ZDHHC3: variants seen among roughly 807,000 people sequenced by gnomAD.
ZDHHC3 encodes zDHHC palmitoyltransferase 3.
A neutral mutation model predicts 30.6 loss-of-function variants in ZDHHC3; 9 were observed. The ratio of observed to expected loss-of-function variants is 0.29; its 90% confidence interval spans 0.18 to 0.51. The LOEUF (loss-of-function observed/expected upper bound fraction) is 0.51, where lower values mean the gene tolerates loss of function less well. Among genes scored for constraint, ZDHHC3 ranks in the 20% least tolerant of loss-of-function variants. The pLI is 0.97. For synonymous variants in ZDHHC3, 136 were observed against 140.2 expected (o/e 0.97, Z 0.21); for missense variants, 246 against 384.2 (o/e 0.64, Z 3.01).
chr3:44,937,556 T>G (rs1433553986), intron 3 of ZDHHC3: 2 of 145,214 alleles, frequency 1.4e-5, no homozygotes, highest in Non-Finnish European at 3.0e-5. Context: ...TAAGTTTTTT[T>G]TTTTTTTTTT....
intron 2 of ZDHHC3, among the ~76,000 whole-genome samples, chr3:44,946,145 G>T (rs1702913958): frequency 6.6e-6 from 1 of 152,200 alleles, no homozygotes; most frequent in South Asian, 2.1e-4. Flanking sequence ...CAGTGGTATT[G>T]TTATGAATAA....
At chr3:44,958,195 G>A (rs1019971490) in intron 2 of ZDHHC3, among the ~76,000 whole-genome samples, 1 of 152,136 alleles carries the variant, frequency 6.6e-6, no homozygotes, top group Admixed American at 6.5e-5. Context: ...TAATTGAGTT[G>A]GGAAAGCTGC....
intron 1 of ZDHHC3, among the ~76,000 whole-genome samples, chr3:44,970,722 A>T (rs1189527389): frequency 6.6e-6 from 1 of 152,240 alleles, no homozygotes; most frequent in African/African-American, 2.4e-5. Context: ...TCAATCAAGT[A>T]CAGCATAAAA....
At position 44,938,267 on chromosome 3, in the gene ZDHHC3, C is replaced by T. The variant is rs539875129; in HGVS notation, c.432-4283G>A. Reference sequence around the variant, plus strand: ...CCAAAGTGCTGGGTGGGCTCACAGGCGTGAGCCACTGTGCCCAGCCGGAAA... The same window carrying T: ...CCAAAGTGCTGGGTGGGCTCACAGGTGTGAGCCACTGTGCCCAGCCGGAAA... On this transcript the variant is annotated intron_variant, in intron 3 of 6. Transcript: ENST00000424952. The T allele has an allele frequency of 2.8e-5, 5 of 178,990 alleles. No homozygotes were observed. The South Asian group carries it at 4.7e-4, about 17-fold the overall frequency. 11.1% of individuals were successfully genotyped at this position (178,990 alleles called of 1,614,324 possible). A position where few individuals can be genotyped will look rare whatever the true frequency, so the allele number is the denominator to read the frequency against.
chr3:44,975,756 TCTC>T (rs1705891543), intron 1 of ZDHHC3, among the ~76,000 whole-genome samples, 174 bp downstream of exon 1: 1 of 138,810 alleles, frequency 7.2e-6, no homozygotes, highest in African/African-American at 3.1e-5. Context: ...GGTCTCTCTC[TCTC>T]TCTCTCTCTC....
In ZDHHC3 at chr3:44,922,675, T is replaced by G. The variant is rs1234155465; in HGVS notation, c.*4014A>C. Reference sequence around the variant, plus strand: ...ACTCCTGCTAGCCCCAACTGGATTCTCAAACTTGATAGTCAGAATCACCTG... The same window carrying G: ...ACTCCTGCTAGCCCCAACTGGATTCGCAAACTTGATAGTCAGAATCACCTG... On this transcript the variant is annotated 3_prime_UTR_variant, in exon 7 of 7. Coordinates refer to ENST00000424952, the MANE Select transcript of ZDHHC3 (RefSeq NM_001135179.2). The G allele has an allele frequency of 1.0e-6, 1 of 985,398 alleles. No individual in the cohort carries two copies. The highest frequency in any genetic ancestry group is 1.1e-4 in the East Asian group (1 of 8,814). The allele number at this position is 985,398 out of a possible 1,614,324, so 61.0% of individuals were successfully genotyped here.
At position 44,924,231 on chromosome 3, in the gene ZDHHC3, G is replaced by A; in HGVS notation, c.*2458C>T. The A allele has an allele frequency of 1.0e-6, 1 of 985,454 alleles. No homozygotes were observed. Among genetic ancestry groups the A allele is most frequent in the Non-Finnish European group, 1.2e-6 (1 of 829,932 alleles). The allele number at this position is 985,454 out of a possible 1,614,324, so 61.0% of individuals were successfully genotyped here. A position where few individuals can be genotyped will look rare whatever the true frequency, so the allele number is the denominator to read the frequency against. On this transcript the variant is annotated 3_prime_UTR_variant, in exon 7 of 7. Transcript: ENST00000424952. ...ATTACATCCGGAAATACTGAGGAGA[G>A]CTCAGGGATGCTTTCCCTTCCTGTC...
At chr3:44,927,006 A>AG (rs1701048364) in intron 6 of ZDHHC3, among the ~76,000 whole-genome samples, 159 bp from the exon 7 acceptor site, 1 of 152,214 alleles carries the variant, frequency 6.6e-6, no homozygotes, top group Non-Finnish European at 1.5e-5. Context: ...TGTTACTAAA[A>AG]AAATTTCTCC....
intron 2 of ZDHHC3, among the ~76,000 whole-genome samples, chr3:44,948,972 T>C (rs1005882572): frequency 7.9e-5 from 12 of 152,206 alleles, no homozygotes; most frequent in Non-Finnish European, 1.3e-4. Flanking sequence ...AATGAGAAAG[T>C]CTGAAGGAAC....
intron 1 of ZDHHC3, among the ~76,000 whole-genome samples, chr3:44,970,892 T>C (rs1705351314): frequency 6.6e-6 from 1 of 152,238 alleles, no homozygotes; most frequent in East Asian, 1.9e-4. Context: ...CAGGATCCAT[T>C]CTGAGTTTAA....
In ZDHHC3 at chr3:44,920,559, T is replaced by C; in HGVS notation, c.*6130A>G. Reference sequence around the variant, plus strand: ...AAGAAACAGAAGTTCCAAGAGGCCATGACGGTGGCCAAGGCTCATCTAGCT... The same window carrying C: ...AAGAAACAGAAGTTCCAAGAGGCCACGACGGTGGCCAAGGCTCATCTAGCT... On this transcript the variant is annotated 3_prime_UTR_variant, in exon 7 of 7. Coordinates refer to ENST00000424952, the MANE Select transcript of ZDHHC3 (RefSeq NM_001135179.2). The C allele has an allele frequency of 1.0e-6, 1 of 985,204 alleles. No homozygotes were observed. Among genetic ancestry groups the C allele is most frequent in the African/African-American group, 1.7e-5 (1 of 57,350 alleles). 61.0% of individuals were successfully genotyped at this position (985,204 alleles called of 1,614,324 possible).
At chr3:44,970,638 G>A (rs1196764780) in intron 1 of ZDHHC3, among the ~76,000 whole-genome samples, 1 of 152,060 alleles carries the variant, frequency 6.6e-6, no homozygotes, top group Non-Finnish European at 1.5e-5. Context: ...CTCTTTTCCC[G>A]ATTTGCTAAT....
Position 44,926,437 on chromosome 3 carries a change from G to A in ZDHHC3, c.*252C>T. ...GACAGACAGCAGAGAGAAACCAGAG[G>A]CCAGAGAAGTGATTTTAAAAGGAAA... On this transcript the variant is annotated 3_prime_UTR_variant, in exon 7 of 7. Transcript: ENST00000424952. 4.1e-6 allele frequency: 5 copies of A among 1,222,868 alleles called. No homozygotes were observed. Among genetic ancestry groups the A allele is most frequent in the Non-Finnish European group, 5.1e-6 (5 of 981,336 alleles). The allele number at this position is 1,222,868 out of a possible 1,614,324, so 75.8% of individuals were successfully genotyped here.
intron 6 of ZDHHC3, among the ~76,000 whole-genome samples, chr3:44,927,568 G>T (rs1701106557): frequency 6.6e-6 from 1 of 152,236 alleles, no homozygotes; most frequent in Non-Finnish European, 1.5e-5. Context: ...AGCATGGCAT[G>T]GCAAAGGTCC....
rs539666601 is a variant in ZDHHC3 at position 44,924,958 on chromosome 3, T to C, written c.*1731A>G. Reference sequence around the variant, plus strand: ...GAGCCCATCAGCACAAAGGAATTGATTCAGGCTGCAGAAAGCAAAGGAAAG... The same window carrying C: ...GAGCCCATCAGCACAAAGGAATTGACTCAGGCTGCAGAAAGCAAAGGAAAG... On this transcript the variant is annotated 3_prime_UTR_variant, in exon 7 of 7. Coordinates refer to ENST00000424952, the MANE Select transcript of ZDHHC3 (RefSeq NM_001135179.2). 3 of 985,574 alleles carry C rather than the reference T, an allele frequency of 3.0e-6. No individual in the cohort carries two copies. Among genetic ancestry groups the C allele is most frequent in the Admixed American group, 6.1e-5 (1 of 16,286 alleles). 61.1% of individuals were successfully genotyped at this position (985,574 alleles called of 1,614,324 possible).
At chr3:44,938,712 C>T (rs1385714635) in intron 3 of ZDHHC3, among the ~76,000 whole-genome samples, 1 of 152,148 alleles carries the variant, frequency 6.6e-6, no homozygotes, top group Non-Finnish European at 1.5e-5. Flanking sequence ...ACAGTGCTGG[C>T]TAAGCTCTTG....
chr3:44,931,397 G>A (rs1462943459), intron 5 of ZDHHC3, among the ~76,000 whole-genome samples: 2 of 152,150 alleles, frequency 1.3e-5, no homozygotes, highest in Non-Finnish European at 2.9e-5. Flanking sequence ...TGGGCCCCAG[G>A]AATTACCAAT....
At chr3:44,927,682 G>A (rs1385444982) in intron 6 of ZDHHC3, among the ~76,000 whole-genome samples, 2 of 152,250 alleles carry the variant, frequency 1.3e-5, no homozygotes, top group East Asian at 1.9e-4. Context: ...AACTGGGGCT[G>A]GGGAAAGAGC....
Position 44,924,434 on chromosome 3 carries a change from ACT to A in ZDHHC3, c.*2253_*2254del, listed in dbSNP as rs1700829094. On this transcript the variant is annotated 3_prime_UTR_variant, in exon 7 of 7. Coordinates refer to ENST00000424952, the MANE Select transcript of ZDHHC3 (RefSeq NM_001135179.2). ...CTGGTTTGAGAGCTCAGAAACATTG[ACT>A]CTTTCTAGCCAAGGCCTATACAAAA... is the stretch of plus-strand genomic sequence containing the variant. The A allele has an allele frequency of 1.0e-6, 1 of 985,184 alleles. No individual in the cohort carries two copies. Among genetic ancestry groups the A allele is most frequent in the African/African-American group, 1.7e-5 (1 of 57,184 alleles). The allele number at this position is 985,184 out of a possible 1,614,324, so 61.0% of individuals were successfully genotyped here.
Sources: gnomAD v4.1 joint callset for allele counts (sites outside exome capture counted in the v4.1 genomes callset) on GRCh38, gnomAD v4.1.1 for gene constraint, MANE v1.5 for transcripts, NCBI Gene and HGNC (gene_info 2026-07-23, HGNC 2026-07-21) for gene names.